PLEKHM3: variants seen among roughly 807,000 people sequenced by gnomAD.
PLEKHM3 encodes pleckstrin homology domain containing M3.
A neutral mutation model predicts 81.8 loss-of-function variants in PLEKHM3; 45 were observed. The observed-to-expected ratio is 0.55, with a 90% confidence interval of 0.43 to 0.71. PLEKHM3 has a LOEUF of 0.71. PLEKHM3 is among the 30% of genes least tolerant of loss of function. The pLI, the probability that PLEKHM3 is intolerant of heterozygous loss-of-function variation, is 0.00. For missense variants in PLEKHM3, 788 were observed against 924.3 expected, an observed-to-expected ratio of 0.85 and a Z score of 1.91; for synonymous variants, 352 against 356.4, an observed-to-expected ratio of 0.99 and a Z score of 0.14.
chr2:207,839,973 C>T (rs551788925), intron 7 of PLEKHM3, among the ~76,000 whole-genome samples: 1 of 152,274 alleles, frequency 6.6e-6, no homozygotes, highest in African/African-American at 2.4e-5. Context: ...GGGTCTCCCT[C>T]TAGACTTAGT....
At chr2:207,981,092 C>A (rs1274863055) in intron 2 of PLEKHM3, among the ~76,000 whole-genome samples, 3 of 143,426 alleles carry the variant, frequency 2.1e-5, no homozygotes, top group Non-Finnish European at 4.5e-5. Context: ...TACGCCACTG[C>A]ACTACAGCCT....
intron 4 of PLEKHM3, among the ~76,000 whole-genome samples, chr2:207,937,754 C>T (rs1183744684): frequency 1.3e-5 from 2 of 151,964 alleles, no homozygotes; most frequent in Admixed American, 6.6e-5. Context: ...GTAAAATAAC[C>T]TTATTGCTTT....
In PLEKHM3 at chr2:207,976,993, G is replaced by A. The variant is rs542300680; in HGVS notation, c.1204C>T (p.Leu402=). Residue 402 remains leucine (L), a synonymous_variant, in exon 3 of 8, where the codon CTG becomes TTG. Coordinates refer to ENST00000427836, the MANE Select transcript of PLEKHM3 (RefSeq NM_001080475.3). The surrounding 1 kb of genome is among the most constrained non-coding windows in gnomAD (Gnocchi z 4.1). ...FQPGKLDEDP[L]LSYNVDVCLA... ...CACACGTCCACGTTGTAGCTCAACA[G>A]TGGATCCTCGTCTAGCTTGCCAGGC... 1.1e-5 allele frequency: 17 copies of A among 1,614,234 alleles called. No homozygotes were observed. The South Asian group carries it at 1.9e-4, about 18-fold the overall frequency.
chr2:208,023,126 T>C (rs1240967033), intron 1 of PLEKHM3, among the ~76,000 whole-genome samples: 1 of 152,032 alleles, frequency 6.6e-6, no homozygotes, highest in African/African-American at 2.4e-5. Context: ...AAAATATATA[T>C]AATATGAAAT....
At chr2:207,950,675 A>C (rs1690299937) in intron 3 of PLEKHM3, among the ~76,000 whole-genome samples, 1 of 152,180 alleles carries the variant, frequency 6.6e-6, no homozygotes. Flanking sequence ...GAGCTCTAAA[A>C]TTCTGCTTCT....
intron 2 of PLEKHM3, among the ~76,000 whole-genome samples, chr2:207,979,120 C>T (rs946180236): frequency 6.6e-6 from 1 of 152,148 alleles, no homozygotes; most frequent in Non-Finnish European, 1.5e-5. Flanking sequence ...TTTCTCCCTT[C>T]CCCTCTGTTT....
intron 5 of PLEKHM3, among the ~76,000 whole-genome samples, chr2:207,916,734 T>TGA (rs1026746567): frequency 1.3e-5 from 2 of 151,910 alleles, no homozygotes. Flanking sequence ...GGTGACAGAG[T>TGA]GAGACTTCAT....
chr2:207,927,033 C>G (rs1689417380), intron 5 of PLEKHM3, among the ~76,000 whole-genome samples: 1 of 152,190 alleles, frequency 6.6e-6, no homozygotes, highest in Non-Finnish European at 1.5e-5. Context: ...AATGGCCACT[C>G]TCATATTGAG....
At position 208,001,553 on chromosome 2, in the gene PLEKHM3, C is replaced by T. The variant is rs779486486; in HGVS notation, c.87G>A (p.Lys29=). 2 of 1,614,178 alleles carry T rather than the reference C, an allele frequency of 1.2e-6. No homozygotes were observed. The highest frequency in any genetic ancestry group is 3.3e-5 in the Admixed American group (2 of 60,024). ...FFSTLDSNLE[K]AVQQAEVYGI... ...CATAAACCTCTGCCTGCTGCACAGCCTTTTCTAGATTACTATCCAAAGTAC... is the reference window on the plus strand; with the variant it reads ...CATAAACCTCTGCCTGCTGCACAGCTTTTTCTAGATTACTATCCAAAGTAC... Residue 29 remains lysine (K), a synonymous_variant, in exon 2 of 8, where the codon AAG becomes AAA. Coordinates refer to ENST00000427836, the MANE Select transcript of PLEKHM3 (RefSeq NM_001080475.3).
At chr2:207,839,926 C>CTAAA (rs1033567160) in intron 7 of PLEKHM3, among the ~76,000 whole-genome samples, 49 of 152,150 alleles carry the variant, frequency 3.2e-4, no homozygotes, top group South Asian at 1.0e-3. Flanking sequence ...GACCCTGTCT[C>CTAAA]TAAATAAATA....
intron 3 of PLEKHM3, among the ~76,000 whole-genome samples, chr2:207,958,304 A>G (rs1690591394): frequency 6.6e-6 from 1 of 152,034 alleles, no homozygotes. Flanking sequence ...TTTCTTCACA[A>G]ATTAATCTTG....
intron 3 of PLEKHM3, among the ~76,000 whole-genome samples, chr2:207,968,002 T>G (rs1690976865): frequency 6.6e-6 from 1 of 151,990 alleles, no homozygotes; most frequent in Non-Finnish European, 1.5e-5. Flanking sequence ...AGGGAACCAT[T>G]AGACAACAAT....
intron 5 of PLEKHM3, among the ~76,000 whole-genome samples, chr2:207,918,613 C>CTGGGAGGATATGCATCAAAG (rs1318404747): frequency 6.6e-6 from 1 of 152,148 alleles, no homozygotes; most frequent in Admixed American, 6.5e-5. Flanking sequence ...AGGAAAAGGT[C>CTGGGAGGATATGCATCAAAG]TGGGAGGATA....
chr2:207,896,600 T>C (rs1172273812), intron 6 of PLEKHM3, among the ~76,000 whole-genome samples: 1 of 152,170 alleles, frequency 6.6e-6, no homozygotes. Flanking sequence ...TCAACATCAG[T>C]TAATTCTAAG....
At chr2:207,946,553 C>G in intron 3 of PLEKHM3, 41 bp from the exon 4 acceptor site, 1 of 1,603,500 alleles carries the variant, frequency 6.2e-7, no homozygotes, top group Non-Finnish European at 8.5e-7. Flanking sequence ...TGCTGTTGTA[C>G]TTTTAACACT....
At chr2:207,964,223 A>G (rs868777959) in intron 3 of PLEKHM3, among the ~76,000 whole-genome samples, 5 of 152,284 alleles carry the variant, frequency 3.3e-5, no homozygotes, top group Middle Eastern at 3.4e-3. Context: ...AAAAAAAAAA[A>G]AGAACCTCCT....
intron 2 of PLEKHM3, among the ~76,000 whole-genome samples, chr2:207,984,526 G>A (rs139239192): frequency 0.01 from 1,585 of 152,084 alleles, 25 homozygotes; most frequent in African/African-American, 0.028. Flanking sequence ...GATTACAGGC[G>A]TGTGCCACCA....
At chr2:207,958,950 A>G (rs1356222816) in intron 3 of PLEKHM3, among the ~76,000 whole-genome samples, 3 of 152,002 alleles carry the variant, frequency 2.0e-5, no homozygotes, top group Non-Finnish European at 4.4e-5. Context: ...AAAATAAACT[A>G]TCTTACTGGA....
intron 6 of PLEKHM3, among the ~76,000 whole-genome samples, chr2:207,892,264 C>T (rs865842568): frequency 2.0e-5 from 3 of 152,298 alleles, no homozygotes; most frequent in South Asian, 4.1e-4. Context: ...TCCTGCGGTG[C>T]TCATCATCAT....
Sources: gnomAD v4.1 joint callset for allele counts (sites outside exome capture counted in the v4.1 genomes callset) on GRCh38, gnomAD v4.1.1 for gene constraint, Gnocchi (gnomAD v3.1) non-coding constraint, MANE v1.5 for transcripts, NCBI Gene and HGNC (gene_info 2026-07-23, HGNC 2026-07-21) for gene names.